Variants in ZNF28 observed in about 807,000 individuals in gnomAD.
ZNF28 encodes the protein zinc finger protein KOX24.
ZNF28 carries 5 observed loss-of-function variants against 7.2 expected under a neutral mutation model. The ratio of observed to expected loss-of-function variants is 0.70; its 90% CI spans 0.36 to 1.46. The LOEUF is 1.46. ZNF28 is among the 40% of genes most tolerant of loss of function. The pLI is 0.03. For synonymous variants in ZNF28, 288 were observed against 292.4 expected (o/e 0.99, Z 0.15); for missense variants, 879 against 866.6 (o/e 1.01, Z -0.18).
intron 2 of ZNF28, among the ~76,000 whole-genome samples, chr19:52,813,575 A>G (rs1295595013): frequency 6.9e-6 from 1 of 145,092 alleles, no homozygotes; most frequent in Non-Finnish European, 1.5e-5. Flanking sequence ...CACCTTTCAC[A>G]GTCCCCTCCT....
intron 1 of ZNF28, among the ~76,000 whole-genome samples, chr19:52,818,664 G>A (rs554671391): frequency 3.3e-5 from 5 of 151,948 alleles, no homozygotes; most frequent in East Asian, 1.9e-4. Context: ...CCAAGATCGC[G>A]CCACTCCACT....
At position 52,798,620 on chromosome 19, in the gene ZNF28, TG is replaced by T; in HGVS notation, c.*1067del. On this transcript the variant is annotated 3_prime_UTR_variant, in exon 4 of 4. Coordinates refer to ENST00000457749, the MANE Select transcript of ZNF28 (RefSeq NM_006969.5). ...CACACTTGTGAGTTTCTCTCCTGTATGAATCCTCCTATGTTTTGCATAGGAT... is the reference window on the plus strand; with the variant it reads ...CACACTTGTGAGTTTCTCTCCTGTATAATCCTCCTATGTTTTGCATAGGAT... The T allele has an allele frequency of 2.4e-6, 1 of 415,446 alleles. No individual in the cohort carries two copies. Among genetic ancestry groups the T allele is most frequent in the Non-Finnish European group, 5.1e-6 (1 of 197,134 alleles). The allele number at this position is 415,446 out of a possible 1,614,324, so 25.7% of individuals were successfully genotyped here.
rs779634852 is a variant in ZNF28, at chr19:52,801,408, G to A, written c.437C>T (p.Ser146Leu). 2.5e-5 allele frequency: 41 copies of A among 1,614,062 alleles called. No homozygotes were observed. Among genetic ancestry groups the A allele is most frequent in the East Asian group, 1.1e-4 (5 of 44,888 alleles). ...IKDQLGLSFHSHLPELHIFQP... is the reference protein window; with the variant it reads ...IKDQLGLSFHLHLPELHIFQP... ...AAATATGTGCAGTTCAGGCAGATGC[G>A]AATGAAAGCTTAATCCAAGCTGATC... The change falls in exon 4 of 4, where the codon TCG (serine) becomes TTG (leucine). Residue 146 changes from serine (S) to leucine (L), a missense_variant. Around this residue, in one of 2 missense-constraint regions of ZNF28, gnomAD observed 864 missense variants for 830.2 expected, o/e 1.04. Coordinates refer to ENST00000457749, the MANE Select transcript of ZNF28 (RefSeq NM_006969.5).
At chr19:52,810,496 A>T (rs561674495) in intron 2 of ZNF28, 2 of 1,585,888 alleles carry the variant, frequency 1.3e-6, no homozygotes, top group East Asian at 2.2e-5. Context: ...ATGAGTCCCT[A>T]TTTAGAGGAA....
At chr19:52,805,783 G>A (rs2062930076) in intron 3 of ZNF28, 1 of 151,992 alleles carries the variant, frequency 6.6e-6, no homozygotes, top group African/African-American at 2.4e-5. Context: ...AGGAGTTCGA[G>A]TCCAGCCTGG....
At position 52,801,598 on chromosome 19, in the gene ZNF28, C is replaced by T; in HGVS notation, c.247G>A (p.Gly83Arg). ...TCAATTTTCTGGAAGCAAAAATCTC[C>T]AATGTGATGACTTGCTTGTCTTTGC... ...TLQRQASHHI[G>R]DFCFQKIEKD... Residue 83 changes from glycine (G) to arginine (R), a missense_variant, in exon 4 of 4, where the codon GGA (glycine) becomes AGA (arginine). Physicochemically the swap from Gly to Arg is moderately radical, Grantham distance 125. Transcript: ENST00000457749. 6.2e-7 allele frequency: 1 copy of T among 1,614,140 alleles called. No homozygotes were observed. The highest frequency in any genetic ancestry group is 1.1e-5 in the South Asian group (1 of 91,080).
chr19:52,804,543 G>A (rs2062912826), intron 3 of ZNF28, among the ~76,000 whole-genome samples: 1 of 152,082 alleles, frequency 6.6e-6, no homozygotes, highest in Admixed American at 6.6e-5. Context: ...GCTAATTTTT[G>A]CATTTTTAGT....
chr19:52,802,899 T>C (rs1326819664), intron 3 of ZNF28, among the ~76,000 whole-genome samples: 3 of 150,732 alleles, frequency 2.0e-5, no homozygotes, highest in Non-Finnish European at 4.4e-5. Flanking sequence ...CAGCTTGGAC[T>C]ACAGGCACAC....
At chr19:52,815,824 CA>C (rs1174089727) in intron 2 of ZNF28, among the ~76,000 whole-genome samples, 1 of 144,168 alleles carries the variant, frequency 6.9e-6, no homozygotes, top group Non-Finnish European at 1.5e-5. Context: ...GGCTCCATCT[CA>C]AAAAAAATAA....
chr19:52,810,780 C>G (rs8101411), intron 2 of ZNF28: 2 of 387,300 alleles, frequency 5.2e-6, no homozygotes, highest in South Asian at 4.4e-5. Context: ...AAAAAAAACC[C>G]AAAAAAAACA....
intron 3 of ZNF28, among the ~76,000 whole-genome samples, chr19:52,807,231 C>T (rs549609035): frequency 1.1e-5 from 1 of 93,136 alleles, no homozygotes; most frequent in South Asian, 3.2e-4. Flanking sequence ...AAAGAAAGGA[C>T]CATAACATGC....
intron 2 of ZNF28, among the ~76,000 whole-genome samples, chr19:52,817,697 G>T (rs532305549): frequency 6.6e-6 from 1 of 151,924 alleles, no homozygotes; most frequent in Non-Finnish European, 1.5e-5. Context: ...CCCTCACCCC[G>T]TCTCCATCCA....
chr19:52,811,314 C>G (rs1284356323), intron 2 of ZNF28, among the ~76,000 whole-genome samples: 1 of 150,362 alleles, frequency 6.7e-6, no homozygotes, highest in Non-Finnish European at 1.5e-5. Context: ...CGGCCGCCAC[C>G]CCGTCTGGGA....
At chr19:52,807,231 C>A (rs549609035) in intron 3 of ZNF28, among the ~76,000 whole-genome samples, 1 of 93,008 alleles carries the variant, frequency 1.1e-5, no homozygotes, top group Non-Finnish European at 2.6e-5. Flanking sequence ...AAAGAAAGGA[C>A]CATAACATGC....
In ZNF28 at chr19:52,800,230, C is replaced by T. The variant is rs147691299; in HGVS notation, c.1615G>A (p.Ala539Thr). ...GCAGTATGAAGTTTATGATGACATG[C>T]AAGGTTTGCTTTTGTACTAAAAACC... ...GKVFSTKANL[A>T]CHHKLHTAEK... The change falls in exon 4 of 4, where the codon GCA becomes ACA. Residue 539 changes from alanine to threonine, a missense_variant. Around this residue, in one of 2 missense-constraint regions of ZNF28, gnomAD observed 864 missense variants for 830.2 expected, o/e 1.04. Coordinates refer to ENST00000457749, the MANE Select transcript of ZNF28 (RefSeq NM_006969.5). 231 of 1,613,126 alleles carry T rather than the reference C, an allele frequency of 1.4e-4. No homozygotes were observed. The African/African-American group carries it at 2.9e-3, about 20-fold the overall frequency.
chr19:52,821,487 G>A (rs2063197546), intron 1 of ZNF28, 99 bp downstream of exon 1: 1 of 152,342 alleles, frequency 6.6e-6, no homozygotes, highest in African/African-American at 2.4e-5. Flanking sequence ...AACGAAGAAA[G>A]GGGAGAACTT....
chr19:52,820,994 G>C (rs2063190174), intron 1 of ZNF28, among the ~76,000 whole-genome samples: 1 of 152,062 alleles, frequency 6.6e-6, no homozygotes, highest in Non-Finnish European at 1.5e-5. Flanking sequence ...CATTTTCCCA[G>C]AGCTGGAGCT....
rs1284966814 is a variant in ZNF28, at chr19:52,798,318, C to G, written c.*1370G>C. The G allele has an allele frequency of 6.7e-6, 2 of 297,192 alleles. No homozygotes were observed. Among genetic ancestry groups the G allele is most frequent in the Non-Finnish European group, 1.3e-5 (2 of 153,026 alleles). 18.4% of individuals were successfully genotyped at this position (297,192 alleles called of 1,614,324 possible). A position where few individuals can be genotyped will look rare whatever the true frequency, so the allele number is the denominator to read the frequency against. On this transcript the variant is annotated 3_prime_UTR_variant, in exon 4 of 4. Transcript: ENST00000457749. ...CCCAGCCCAGTCCTCTTAACATAAA[C>G]AGTTTAATGTCAATTAATGCTTAAA...
intron 1 of ZNF28, among the ~76,000 whole-genome samples, chr19:52,820,113 T>TGCTCCTTCTCCCCAA (rs2063175836): frequency 1.5e-5 from 2 of 133,166 alleles, no homozygotes; most frequent in African/African-American, 6.4e-5. Context: ...AACCTCTTTT[T>TGCTCCTTCTCCCCAA]TTTTTTTTTT....
Sources: gnomAD v4.1 joint callset for allele counts (sites outside exome capture counted in the v4.1 genomes callset) on GRCh38, gnomAD v4.1.1 for gene constraint, gnomAD v4.1.1 regional missense constraint, MANE v1.5 for transcripts, NCBI Gene and HGNC (gene_info 2026-07-23, HGNC 2026-07-21) for gene names.